The following PIP5K1B variants were observed in gnomAD, a reference collection of about 807,000 sequenced individuals.
The protein encoded by PIP5K1B is phosphatidylinositol-4-phosphate 5-kinase type 1 beta, also known as phosphatidylinositol 4-phosphate 5-kinase type-1 beta.
In PIP5K1B, 42 loss-of-function variants were observed where a neutral mutation model predicts 67.0. The ratio of observed to expected loss-of-function variants is 0.63; its 90% CI spans 0.49 to 0.81. The LOEUF is 0.81. PIP5K1B is among the 30% of genes least tolerant of loss of function. The pLI, the probability that PIP5K1B is intolerant of heterozygous loss-of-function variation, is 0.00. For missense variants in PIP5K1B, 459 were observed against 646.3 expected (o/e 0.71, Z 3.14); for synonymous variants, 214 against 231.4 (o/e 0.92, Z 0.68).
intron 1 of PIP5K1B, among the ~76,000 whole-genome samples, chr9:68,716,668 T>C (rs1024200706): frequency 1.3e-5 from 2 of 152,314 alleles, no homozygotes; most frequent in South Asian, 4.1e-4. Flanking sequence ...TGGAAAACAG[T>C]GAGAAATCTT....
chr9:69,006,257 C>G (rs913247409), intron 15 of PIP5K1B, among the ~76,000 whole-genome samples: 3 of 152,078 alleles, frequency 2.0e-5, no homozygotes, highest in Non-Finnish European at 4.4e-5. Context: ...GTTCTGGCTT[C>G]TGGGATCATT....
chr9:68,890,904 G>A (rs1045470580), intron 7 of PIP5K1B, among the ~76,000 whole-genome samples: 6 of 152,068 alleles, frequency 3.9e-5, no homozygotes, highest in Non-Finnish European at 7.4e-5. Context: ...TTGTCCTCTT[G>A]TAAAACTGCA....
intron 2 of PIP5K1B, among the ~76,000 whole-genome samples, chr9:68,767,320 G>A (rs1440866518): frequency 6.6e-6 from 1 of 152,154 alleles, no homozygotes; most frequent in African/African-American, 2.4e-5. Context: ...CAGTCCGGGC[G>A]CTGTGGCTCA....
chr9:68,854,854 C>T (rs755671208), intron 4 of PIP5K1B, among the ~76,000 whole-genome samples: 3 of 152,238 alleles, frequency 2.0e-5, no homozygotes, highest in East Asian at 1.9e-4. Context: ...TATTTTCCTC[C>T]GTGGATATGT....
chr9:69,007,510 G>A (rs1831133888), intron 15 of PIP5K1B, among the ~76,000 whole-genome samples: 1 of 152,146 alleles, frequency 6.6e-6, no homozygotes, highest in Admixed American at 6.5e-5. Context: ...CCACTTTATA[G>A]ATGAAACAAC....
chr9:68,812,315 A>T (rs1475812961), intron 2 of PIP5K1B, among the ~76,000 whole-genome samples: 1 of 152,244 alleles, frequency 6.6e-6, no homozygotes, highest in Non-Finnish European at 1.5e-5. Context: ...CCTTCTCTCA[A>T]ATTGAGTGAA....
chr9:68,991,222 C>T lies in PIP5K1B; in HGVS notation c.1585C>T (p.Gln529Ter), dbSNP rs1830350194. Residue 529 changes from glutamine to a stop codon, truncating the protein, a stop_gained, in exon 15 of 16, where the codon CAG (glutamine) becomes TAG (stop). Transcript: ENST00000265382. LOFTEE classifies it high-confidence loss of function. ...LTAEPNTLEV[Q>*]DDNASVLDVY... Reference sequence around the variant, plus strand: ...CGCTGAGCCCAACACTCTGGAAGTGCAGGATGACAATGCTTCTGTGCTTGA... The same window carrying T: ...CGCTGAGCCCAACACTCTGGAAGTGTAGGATGACAATGCTTCTGTGCTTGA... 6.2e-7 allele frequency: 1 copy of T among 1,609,082 alleles called. No individual in the cohort carries two copies.
At chr9:68,971,038 C>T (rs765876925) in intron 14 of PIP5K1B, among the ~76,000 whole-genome samples, 4 of 152,082 alleles carry the variant, frequency 2.6e-5, no homozygotes, top group Admixed American at 2.0e-4. Flanking sequence ...TTCTGGGATA[C>T]GTATGCAGAA....
At chr9:68,743,485 G>A (rs1337471791) in intron 2 of PIP5K1B, among the ~76,000 whole-genome samples, 4 of 152,326 alleles carry the variant, frequency 2.6e-5, no homozygotes, top group Admixed American at 1.3e-4. Context: ...TTACAGGCAC[G>A]AGGCAGGCTT....
At chr9:68,866,039 C>T (rs558687382) in intron 5 of PIP5K1B, among the ~76,000 whole-genome samples, 1 of 152,196 alleles carries the variant, frequency 6.6e-6, no homozygotes, top group Admixed American at 6.5e-5. Context: ...TCACTGTCAT[C>T]CAAGGTAGCA....
chr9:68,945,795 A>T (rs1468984461), intron 14 of PIP5K1B, among the ~76,000 whole-genome samples: 1 of 152,222 alleles, frequency 6.6e-6, no homozygotes, highest in East Asian at 1.9e-4. Context: ...TACAGCACTG[A>T]TATAGAATAT....
chr9:68,986,022 T>A (rs988397262), intron 14 of PIP5K1B, among the ~76,000 whole-genome samples: 2 of 152,250 alleles, frequency 1.3e-5, no homozygotes, highest in African/African-American at 4.8e-5. Context: ...GTTTGAGTTG[T>A]TTCCACTTTC....
At chr9:68,986,725 C>G (rs1484440431) in intron 14 of PIP5K1B, among the ~76,000 whole-genome samples, 2 of 152,178 alleles carry the variant, frequency 1.3e-5, no homozygotes, top group South Asian at 4.2e-4. Flanking sequence ...ATATACCTGT[C>G]AAGTCTCAAA....
chr9:68,737,735 C>T lies in PIP5K1B; in HGVS notation c.-242-4766C>T, dbSNP rs1189731660. Reference sequence around the variant, plus strand: ...GACAAAGTTGAATTCCTAAAACTTTCAATGTGTGAAATGCACCCTTGCAAA... The same window carrying T: ...GACAAAGTTGAATTCCTAAAACTTTTAATGTGTGAAATGCACCCTTGCAAA... On this transcript the variant is annotated intron_variant, in intron 1 of 15. Coordinates refer to ENST00000265382, the MANE Select transcript of PIP5K1B (RefSeq NM_003558.4). 3.3e-5 allele frequency among the ~76,000 whole-genome samples: 5 copies of T among 152,170 alleles called. No individual in the cohort carries two copies. In the East Asian group the frequency reaches 7.7e-4, roughly 23 times the overall value.
chr9:68,736,217 A>T (rs779694747), intron 1 of PIP5K1B, among the ~76,000 whole-genome samples: 1 of 152,238 alleles, frequency 6.6e-6, no homozygotes, highest in African/African-American at 2.4e-5. Flanking sequence ...TTCATATTTG[A>T]AAAGGACCAC....
rs573621058 is a variant in PIP5K1B, at chr9:68,892,853, T to C, written c.472-1486T>C. ...TGGGAGGCCAAGGCAGGAGGATCAC[T>C]TGAGGTCAGGAGTTCGAGACCAGCC... is the stretch of plus-strand genomic sequence containing the variant. On this transcript the variant is annotated intron_variant, in intron 7 of 15. Transcript: ENST00000265382. Among the ~76,000 whole-genome samples the C allele has an allele frequency of 2.0e-5, 3 of 152,150 alleles. No individual in the cohort carries two copies. In the East Asian group the frequency reaches 5.8e-4, roughly 29 times the overall value.
At chr9:68,965,853 A>G (rs375435287) in intron 14 of PIP5K1B, among the ~76,000 whole-genome samples, 5 of 151,910 alleles carry the variant, frequency 3.3e-5, no homozygotes, top group East Asian at 3.9e-4. Flanking sequence ...ACATACCTGT[A>G]ATACCAGCTA....
intron 13 of PIP5K1B, 78 bp from the exon 14 acceptor site, chr9:68,940,568 C>A: frequency 7.6e-7 from 1 of 1,312,506 alleles, no homozygotes; most frequent in Non-Finnish European, 1.1e-6. Flanking sequence ...ATGCTTTTGA[C>A]TCATTTCAAT....
chr9:68,871,404 T>G (rs970024925), intron 5 of PIP5K1B, among the ~76,000 whole-genome samples: 1 of 152,244 alleles, frequency 6.6e-6, no homozygotes, highest in African/African-American at 2.4e-5. Flanking sequence ...GACTATGATT[T>G]ATCTGCTAAA....
Sources: gnomAD v4.1 joint callset for allele counts (sites outside exome capture counted in the v4.1 genomes callset) on GRCh38, gnomAD v4.1.1 for gene constraint, MANE v1.5 for transcripts, NCBI Gene and HGNC (gene_info 2026-07-23, HGNC 2026-07-21) for gene names.